The following HMCN1 variants were observed in gnomAD, a reference collection of about 807,000 sequenced individuals.
The protein encoded by HMCN1 is hemicentin 1.
A neutral mutation model predicts 625.9 loss-of-function variants in HMCN1; 321 were observed. The observed-to-expected ratio is 0.51, with a 90% CI of 0.47 to 0.56. The LOEUF is 0.56. HMCN1 is among the 20% of genes least tolerant of loss of function. The probability of loss-of-function intolerance (pLI) is 0.00; values close to 1 mark genes in which losing one functional copy is unlikely to be tolerated. For missense variants in HMCN1, 6,588 were observed against 6,887.3 expected (o/e 0.96, Z 1.54); for synonymous variants, 2,425 against 2,417.6 (o/e 1.00, Z -0.09).
intron 1 of HMCN1, among the ~76,000 whole-genome samples, chr1:185,775,413 T>G (rs1241675289): frequency 6.6e-6 from 1 of 151,588 alleles, no homozygotes; most frequent in Non-Finnish European, 1.5e-5. Context: ...CCCTGTCTCT[T>G]AAAAAAAGAA....
At chr1:185,889,370 G>A (rs1664894428) in intron 4 of HMCN1, among the ~76,000 whole-genome samples, 1 of 146,442 alleles carries the variant, frequency 6.8e-6, no homozygotes, top group Non-Finnish European at 1.5e-5. Context: ...GTGAGAGAGG[G>A]CATCCCTGTC....
chr1:185,760,178 G>T (rs966101895), intron 1 of HMCN1, among the ~76,000 whole-genome samples: 3 of 152,118 alleles, frequency 2.0e-5, no homozygotes, highest in Non-Finnish European at 4.4e-5. Context: ...TGGAGTTAGG[G>T]TGCAAAGTTG....
intron 11 of HMCN1, among the ~76,000 whole-genome samples, chr1:185,953,015 T>G (rs1428997184): frequency 6.6e-6 from 1 of 150,404 alleles, no homozygotes; most frequent in African/African-American, 2.5e-5. Flanking sequence ...AATAAGGGAT[T>G]GGGGGGTTTT....
intron 1 of HMCN1, among the ~76,000 whole-genome samples, chr1:185,761,875 C>T (rs866968531): frequency 2.4e-4 from 37 of 152,126 alleles, no homozygotes; most frequent in African/African-American, 8.2e-4. Context: ...TCTAATTAAT[C>T]CCCCCAGGTG....
chr1:185,980,347 T>C (rs1651528177), intron 16 of HMCN1, among the ~76,000 whole-genome samples: 1 of 152,164 alleles, frequency 6.6e-6, no homozygotes, highest in Non-Finnish European at 1.5e-5. Context: ...TGATGTGCAA[T>C]TATTACTAAA....
At chr1:185,818,194 A>G (rs1164998358) in intron 1 of HMCN1, among the ~76,000 whole-genome samples, 1 of 152,242 alleles carries the variant, frequency 6.6e-6, no homozygotes, top group Non-Finnish European at 1.5e-5. Flanking sequence ...GGATAAATCA[A>G]TCATTCCAAG....
rs147822137 is a variant in HMCN1, at chr1:186,128,191, C to A, written c.12804C>A (p.Asp4268Glu). ...VLPTFTELPG[D>E]VSLNKGEQLR... ...CCACTTTTACTGAACTTCCTGGAGA[C>A]GTGTCATTAAATAAAGGAGAACAGC... Residue 4268 changes from aspartate (D) to glutamate (E), a missense_variant, in exon 83 of 107, where the codon GAC becomes GAA. By Grantham distance (45) the Asp-to-Glu change is conservative. This residue lies in a region of HMCN1 where 1,954 missense variants were observed against 2,013.1 expected (regional missense o/e 0.97). Transcript: ENST00000271588. 3 of 1,613,434 alleles carry A rather than the reference C, an allele frequency of 1.9e-6. No homozygotes were observed. Among genetic ancestry groups the A allele is most frequent in the Non-Finnish European group, 2.5e-6 (3 of 1,179,732 alleles).
At chr1:186,158,699 T>C (rs960526361) in intron 97 of HMCN1, among the ~76,000 whole-genome samples, 3 of 152,212 alleles carry the variant, frequency 2.0e-5, no homozygotes, top group Non-Finnish European at 2.9e-5. Context: ...GGGAGTCCTT[T>C]CCCCATTGCT....
intron 11 of HMCN1, 72 bp downstream of exon 11, chr1:185,933,896 A>T: frequency 7.3e-7 from 1 of 1,364,814 alleles, no homozygotes. Flanking sequence ...TGTCCTCCCA[A>T]GTTGGCTATC....
rs756899562 is a variant in HMCN1, at chr1:186,178,651, T to C, written c.16179T>C (p.His5393=). 6 of 1,613,890 alleles carry C rather than the reference T, an allele frequency of 3.7e-6. No homozygotes were observed. ...QPQQHYRQYS[H]LYSSYSEYRN... Reference sequence around the variant, plus strand: ...AACAGCATTACAGACAGTACTCACATCTCTACAGCTCCTACTCAGAGTATA... The same window carrying C: ...AACAGCATTACAGACAGTACTCACACCTCTACAGCTCCTACTCAGAGTATA... Residue 5393 remains histidine (H), a synonymous_variant, in exon 104 of 107, where the codon CAT becomes CAC. Transcript: ENST00000271588.
intron 36 of HMCN1, among the ~76,000 whole-genome samples, chr1:186,024,266 G>A (rs1396145588): frequency 6.6e-6 from 1 of 152,132 alleles, no homozygotes; most frequent in Non-Finnish European, 1.5e-5. Context: ...GGCTGACCCT[G>A]CTCTACTGTA....
At chr1:185,946,223 G>A (rs989372072) in intron 11 of HMCN1, among the ~76,000 whole-genome samples, 10 of 152,110 alleles carry the variant, frequency 6.6e-5, no homozygotes, top group African/African-American at 1.9e-4. Context: ...ATCAACATAC[G>A]TTAAAGGCTA....
At chr1:186,170,423 T>A (rs1652151450) in intron 100 of HMCN1, among the ~76,000 whole-genome samples, 1 of 152,164 alleles carries the variant, frequency 6.6e-6, no homozygotes. Context: ...GAAACACCAT[T>A]TGACCCACCA....
In HMCN1 at chr1:186,016,044, G is replaced by T. The variant is rs150757617; in HGVS notation, c.4996G>T (p.Ala1666Ser). ...AHSLTLECKA[A>S]GNPSPILTWL... The stretch of plus-strand genomic sequence containing the variant: ...TTCTCTGACACTGGAGTGCAAAGCT[G>T]CTGGAAACCCTTCTCCCATTCTCAC... The change falls in exon 32 of 107, where the codon GCT becomes TCT. Residue 1666 changes from alanine (A) to serine (S), a missense_variant. Physicochemically the swap from Ala to Ser is moderately conservative, Grantham distance 99 (BLOSUM62 1). Transcript: ENST00000271588. 231 of 1,613,496 alleles carry T rather than the reference G, an allele frequency of 1.4e-4. No homozygotes were observed. The highest frequency in any genetic ancestry group is 6.9e-4 in the African/African-American group (52 of 75,006).
At position 186,055,583 on chromosome 1, in the gene HMCN1, G is replaced by A; in HGVS notation, c.7053G>A (p.Lys2351=). The A allele has an allele frequency of 1.2e-6, 2 of 1,612,856 alleles. No individual in the cohort carries two copies. The highest frequency in any genetic ancestry group is 1.7e-6 in the Non-Finnish European group (2 of 1,179,218). ...ILDEGHILQL[K]NIHVSDTGRY... The stretch of plus-strand genomic sequence containing the variant: ...ATGAAGGTCACATCCTTCAGCTGAA[G>A]AACATTCATGTATCTGACACAGGCC... Residue 2351 remains lysine (K), a synonymous_variant, in exon 45 of 107, where the codon AAG becomes AAA. Transcript: ENST00000271588.
Position 186,123,092 on chromosome 1 carries a change from G to A in HMCN1, c.12371G>A (p.Arg4124His), listed in dbSNP as rs142686632. The A allele has an allele frequency of 7.4e-6, 12 of 1,613,938 alleles. No individual in the cohort carries two copies. The highest frequency in any genetic ancestry group is 1.6e-4 in the Middle Eastern group (1 of 6,084). ...GGGCGTGCAATTGTGGAATCTATCC[G>A]CCAGCGCGTCCTCAGCTCTGGCTCT... ...KDGRAIVESI[R>H]QRVLSSGSLQ... Residue 4124 changes from arginine (R) to histidine (H), a missense_variant, in exon 81 of 107, where the codon CGC becomes CAC. Around this residue, in one of 3 missense-constraint regions of HMCN1, gnomAD observed 1,954 missense variants for 2,013.1 expected, o/e 0.97. Transcript: ENST00000271588.
At chr1:186,157,159 GTATT>G (rs533637015) in intron 97 of HMCN1, among the ~76,000 whole-genome samples, 32 of 152,248 alleles carry the variant, frequency 2.1e-4, no homozygotes, top group South Asian at 1.2e-3. Flanking sequence ...TTCTAAGTAT[GTATT>G]CATAAAATTG....
intron 11 of HMCN1, among the ~76,000 whole-genome samples, chr1:185,954,412 C>T (rs1375694864): frequency 6.6e-6 from 1 of 151,592 alleles, no homozygotes; most frequent in Non-Finnish European, 1.5e-5. Context: ...CTTTCTTCTC[C>T]TGAGTACTGT....
chr1:185,826,403 G>C (rs1175908051), intron 1 of HMCN1, among the ~76,000 whole-genome samples: 1 of 152,178 alleles, frequency 6.6e-6, no homozygotes, highest in African/African-American at 2.4e-5. Context: ...CCCAAAGGAG[G>C]AATGTCTTCC....
Sources: allele counts gnomAD v4.1 joint callset (sites outside exome capture counted in the v4.1 genomes callset), GRCh38; gene constraint gnomAD v4.1.1; regional missense constraint gnomAD v4.1.1; transcripts MANE v1.5; gene names NCBI Gene and HGNC (gene_info 2026-07-23, HGNC 2026-07-21).